The following C1orf167 variants were observed in gnomAD, a reference collection of about 807,000 sequenced individuals.
C1orf167 encodes chromosome 1 open reading frame 167.
C1orf167 carries 153 observed loss-of-function variants against 176.5 expected under a neutral mutation model. The ratio of observed to expected loss-of-function variants is 0.87; its 90% CI spans 0.76 to 0.99. The LOEUF is 0.99. Among genes scored for constraint, C1orf167 ranks in the 50% least tolerant of loss-of-function variants. The pLI is 0.00. For synonymous variants in C1orf167, 594 were observed against 752.7 expected (o/e 0.79, Z 3.45); for missense variants, 1,490 against 1,817.7 (o/e 0.82, Z 3.28).
At position 11,768,866 on chromosome 1, in the gene C1orf167, G is replaced by A. The variant is rs941769943; in HGVS notation, c.1543-107G>A. On this transcript the variant is annotated intron_variant, in intron 5 of 20. Coordinates refer to ENST00000688073, the MANE Select transcript of C1orf167 (RefSeq NM_001010881.2). The surrounding 1 kb of genome is among the most constrained non-coding windows in gnomAD (Gnocchi z 4.5). ...AGAGTAATGGTTAAGACCACAGGCT[G>A]TGGAATCTGATAGGCATGTGTTACT... 141 of 778,142 alleles carry A rather than the reference G, an allele frequency of 1.8e-4. No individual in the cohort carries two copies. The highest frequency in any genetic ancestry group is 2.1e-4 in the Non-Finnish European group (137 of 640,682). The allele number at this position is 778,142 out of a possible 1,614,324, so 48.2% of individuals were successfully genotyped here.
At chr1:11,789,058 A>T in intron 20 of C1orf167, 1 of 439,212 alleles carries the variant, frequency 2.3e-6, no homozygotes, top group Non-Finnish European at 4.1e-6. Flanking sequence ...CCCCTCCCTC[A>T]TTTGCTCTGC....
chr1:11,778,511 C>T (rs1261846220), intron 10 of C1orf167, 149 bp from the exon 11 acceptor site: 4 of 608,782 alleles, frequency 6.6e-6, no homozygotes, highest in East Asian at 1.5e-4. Context: ...GGGGCAGCAG[C>T]GTGGAACGCT....
Position 11,787,490 on chromosome 1 carries a change from CAG to C in C1orf167, c.3673_3673+1del. On this transcript the variant is annotated frameshift_variant and splice_region_variant, in exon 17 of 21. Coordinates refer to ENST00000688073, the MANE Select transcript of C1orf167 (RefSeq NM_001010881.2). LOFTEE classifies it high-confidence loss of function. ...RRKPRGTAWAQRCREHSLCPA... is the reference protein window; with the variant it reads ...RRKPRGTAWAXRCREHSLCPA... Reference sequence around the variant, plus strand: ...GAAGCCAAGGGGAACGGCCTGGGCTCAGAGTAAGGAGACCTTGCCCCGGGGGA... The same window carrying C: ...GAAGCCAAGGGGAACGGCCTGGGCTCAGTAAGGAGACCTTGCCCCGGGGGA... 7.7e-7 allele frequency: 1 copy of C among 1,300,954 alleles called. No individual in the cohort carries two copies. The highest frequency in any genetic ancestry group is 1.0e-6 in the Non-Finnish European group (1 of 987,742). 80.6% of individuals were successfully genotyped at this position (1,300,954 alleles called of 1,614,324 possible).
chr1:11,772,243 A>G lies in C1orf167; in HGVS notation c.1972A>G (p.Arg658Gly). The G allele has an allele frequency of 7.7e-7, 1 of 1,303,512 alleles. No individual in the cohort carries two copies. The allele number at this position is 1,303,512 out of a possible 1,614,324, so 80.7% of individuals were successfully genotyped here. A position where few individuals can be genotyped will look rare whatever the true frequency, so the allele number is the denominator to read the frequency against. ...WVAPLSPQHQ[R>G]AWLCRCFGAW... ...GGCCCCACTGAGCCCCCAGCACCAG[A>G]GAGCTTGGCTGTGCAGGTAGGATGC... The change falls in exon 8 of 21, where the codon AGA (arginine) becomes GGA (glycine). Residue 658 changes from arginine (R) to glycine (G), a missense_variant. By Grantham distance (125) the Arg-to-Gly change is moderately radical. Coordinates refer to ENST00000688073, the MANE Select transcript of C1orf167 (RefSeq NM_001010881.2).
intron 14 of C1orf167, 43 bp downstream of exon 14, chr1:11,782,376 C>A: frequency 8.5e-7 from 1 of 1,174,118 alleles, no homozygotes; most frequent in Non-Finnish European, 1.1e-6. Context: ...CCTCCCCACG[C>A]AAGGAATAGC....
chr1:11,786,769 TGAAAG>T (rs1182767443), intron 16 of C1orf167: 1 of 152,148 alleles, frequency 6.6e-6, no homozygotes, highest in Non-Finnish European at 1.5e-5. Context: ...TAAATGGAAT[TGAAAG>T]GAACTAGCCT....
rs1410311443 is a variant in C1orf167, at chr1:11,787,481, G to T, written c.3661G>T (p.Ala1221Ser). 9 of 1,302,528 alleles carry T rather than the reference G, an allele frequency of 6.9e-6. No individual in the cohort carries two copies. The highest frequency in any genetic ancestry group is 9.1e-6 in the Non-Finnish European group (9 of 988,434). The allele number at this position is 1,302,528 out of a possible 1,614,324, so 80.7% of individuals were successfully genotyped here. A position where few individuals can be genotyped will look rare whatever the true frequency, so the allele number is the denominator to read the frequency against. ...LGGRRKPRGT[A>S]WAQRCREHSL... is the part of the protein sequence containing the mutation. ...TGGACGGAGGAAGCCAAGGGGAACG[G>T]CCTGGGCTCAGAGTAAGGAGACCTT... The change falls in exon 17 of 21, where the codon GCC (alanine) becomes TCC (serine). Residue 1221 changes from alanine (A) to serine (S), a missense_variant. Ala to Ser is a moderately conservative substitution (Grantham distance 99). Transcript: ENST00000688073.
rs1449422503 is a variant in C1orf167, at chr1:11,766,689, C to A, written c.903C>A (p.Gly301=). ...ATGGGAGGAGGAGACGCCTTCGAGG[C>A]CACAGGGAAACTGCGGCTTTCTTGG... ...SSDGRRRRLR[G]HRETAAFLET... The change falls in exon 3 of 21, where the codon GGC becomes GGA. Residue 301 remains glycine (G), a synonymous_variant. Coordinates refer to ENST00000688073, the MANE Select transcript of C1orf167 (RefSeq NM_001010881.2). The surrounding 1 kb of genome is among the most constrained non-coding windows in gnomAD (Gnocchi z 4.5). 2.3e-6 allele frequency: 3 copies of A among 1,289,696 alleles called. No homozygotes were observed. Among genetic ancestry groups the A allele is most frequent in the East Asian group, 1.1e-4 (2 of 18,042 alleles). 79.9% of individuals were successfully genotyped at this position (1,289,696 alleles called of 1,614,324 possible).
intron 9 of C1orf167, among the ~76,000 whole-genome samples, chr1:11,776,213 T>C (rs1194313095): frequency 6.6e-6 from 1 of 152,110 alleles, no homozygotes; most frequent in African/African-American, 2.4e-5. Flanking sequence ...GCTGAGATCG[T>C]GCCATTGCAT....
In C1orf167 at chr1:11,788,393, C is replaced by T. The variant is rs544692675; in HGVS notation, c.4078+15C>T. 2.1e-5 allele frequency: 27 copies of T among 1,283,648 alleles called. No individual in the cohort carries two copies. The highest frequency in any genetic ancestry group is 5.3e-4 in the Middle Eastern group (2 of 3,796). The allele number at this position is 1,283,648 out of a possible 1,614,324, so 79.5% of individuals were successfully genotyped here. A position where few individuals can be genotyped will look rare whatever the true frequency, so the allele number is the denominator to read the frequency against. ...TGCGGACCCTGGTGAGTGGGTGCAC[C>T]CCTCTCCACACTGACCATCTCCCAT... is the stretch of plus-strand genomic sequence containing the variant. On this transcript the variant is annotated intron_variant, in intron 19 of 20. Transcript: ENST00000688073.
intron 10 of C1orf167, chr1:11,778,397 T>G (rs1643425933): frequency 4.6e-6 from 1 of 219,300 alleles, no homozygotes; most frequent in Non-Finnish European, 9.4e-6. Flanking sequence ...GCCCAGACTG[T>G]ACCCTGACCA....
intron 14 of C1orf167, among the ~76,000 whole-genome samples, chr1:11,782,977 A>G (rs999522240): frequency 6.6e-6 from 1 of 151,552 alleles, no homozygotes; most frequent in Non-Finnish European, 1.5e-5. Flanking sequence ...CATAACGCCC[A>G]TTGTGAGGAG....
In C1orf167 at chr1:11,789,548, G is replaced by C. The variant is rs950990131; in HGVS notation, c.*102G>C. 1.0e-5 allele frequency: 11 copies of C among 1,082,700 alleles called. No individual in the cohort carries two copies. The African/African-American group carries it at 1.8e-4, about 18-fold the overall frequency. 67.1% of individuals were successfully genotyped at this position (1,082,700 alleles called of 1,614,324 possible). On this transcript the variant is annotated 3_prime_UTR_variant, in exon 21 of 21. Coordinates refer to ENST00000688073, the MANE Select transcript of C1orf167 (RefSeq NM_001010881.2). Reference sequence around the variant, plus strand: ...GTGATGACAGAGGGGACAGCTTGAAGAGCTCTGAAGGACAATAAAACCCAC... The same window carrying C: ...GTGATGACAGAGGGGACAGCTTGAACAGCTCTGAAGGACAATAAAACCCAC...
Position 11,766,183 on chromosome 1 carries a change from C to T in C1orf167, c.397C>T (p.Pro133Ser), listed in dbSNP as rs1032938713. The T allele has an allele frequency of 5.2e-5, 67 of 1,289,690 alleles. No homozygotes were observed. Among genetic ancestry groups the T allele is most frequent in the Non-Finnish European group, 6.7e-5 (66 of 988,844 alleles). 79.9% of individuals were successfully genotyped at this position (1,289,690 alleles called of 1,614,324 possible). ...SNLSINETSSPHLCPEPGGSS... is the reference protein window; with the variant it reads ...SNLSINETSSSHLCPEPGGSS... Reference sequence around the variant, plus strand: ...CCTGAGCATCAACGAGACCAGCAGCCCCCACCTCTGCCCAGAGCCTGGGGG... The same window carrying T: ...CCTGAGCATCAACGAGACCAGCAGCTCCCACCTCTGCCCAGAGCCTGGGGG... Residue 133 changes from proline (P) to serine (S), a missense_variant, in exon 3 of 21, where the codon CCC becomes TCC. Pro to Ser is a moderately conservative substitution (Grantham distance 74). Transcript: ENST00000688073. The surrounding 1 kb of genome is among the most constrained non-coding windows in gnomAD (Gnocchi z 4.5).
In C1orf167 at chr1:11,768,181, G is replaced by C. The variant is rs4845880; in HGVS notation, c.1448G>C (p.Arg483Pro). 7.8e-7 allele frequency: 1 copy of C among 1,289,622 alleles called. No homozygotes were observed. The highest frequency in any genetic ancestry group is 1.0e-6 in the Non-Finnish European group (1 of 988,824). The allele number at this position is 1,289,622 out of a possible 1,614,324, so 79.9% of individuals were successfully genotyped here. A position where few individuals can be genotyped will look rare whatever the true frequency, so the allele number is the denominator to read the frequency against. ...GCACTGGGCCGCTGGCAGCTGTTGC[G>C]AAAGTGCCTTCAGGCCTTGTGGCTC... Reference protein sequence around the residue: ...AVALGRWQLLRKCLQALWLRE... With the variant: ...AVALGRWQLLPKCLQALWLRE... The change falls in exon 5 of 21, where the codon CGA (arginine) becomes CCA (proline). Residue 483 changes from arginine to proline, a missense_variant. Physicochemically the swap from Arg to Pro is moderately radical, Grantham distance 103. Transcript: ENST00000688073. This position sits in a 1 kb window ranked among gnomAD's most constrained non-coding sequence, Gnocchi z 4.5.
In C1orf167 at chr1:11,788,724, C is replaced by A; in HGVS notation, c.4151C>A (p.Ala1384Glu). ...AADPATASGS[A>E]VTAAGRWAFK... Reference sequence around the variant, plus strand: ...GATCCTGCGACTGCGAGTGGCTCAGCAGTTACAGCAGCAGGAAGATGGGTG... The same window carrying A: ...GATCCTGCGACTGCGAGTGGCTCAGAAGTTACAGCAGCAGGAAGATGGGTG... Residue 1384 changes from alanine to glutamate, a missense_variant, in exon 20 of 21, where the codon GCA becomes GAA. By Grantham distance (107) the Ala-to-Glu change is moderately radical (BLOSUM62 -1). Coordinates refer to ENST00000688073, the MANE Select transcript of C1orf167 (RefSeq NM_001010881.2). 1 of 1,304,248 alleles carries A rather than the reference C, an allele frequency of 7.7e-7. No individual in the cohort carries two copies. The highest frequency in any genetic ancestry group is 1.2e-5 in the South Asian group (1 of 81,034). 80.8% of individuals were successfully genotyped at this position (1,304,248 alleles called of 1,614,324 possible).
intron 2 of C1orf167, among the ~76,000 whole-genome samples, chr1:11,765,185 G>A (rs1032383984): frequency 6.6e-6 from 1 of 152,048 alleles, no homozygotes; most frequent in Admixed American, 6.5e-5. Flanking sequence ...TGACCATGAG[G>A]CAAGTTGCTT....
chr1:11,769,073 T>A lies in C1orf167; in HGVS notation c.1643T>A (p.Leu548Ter), dbSNP rs1642931301. 1.0e-6 allele frequency: 1 copy of A among 985,748 alleles called. No homozygotes were observed. The highest frequency in any genetic ancestry group is 4.7e-5 in the South Asian group (1 of 21,290). 61.1% of individuals were successfully genotyped at this position (985,748 alleles called of 1,614,324 possible). The change falls in exon 6 of 21, where the codon TTG (leucine) becomes TAG (stop). Residue 548 changes from leucine to a stop codon, truncating the protein, a stop_gained. Coordinates refer to ENST00000688073, the MANE Select transcript of C1orf167 (RefSeq NM_001010881.2). LOFTEE classifies it high-confidence loss of function. Reference protein sequence around the residue: ...SRRAQGKGLSLGRSTVVDPAQ... With the variant: ...SRRAQGKGLS ...AGAGCCCAGGGCAAAGGCCTCTCCT[T>A]GGGAAGAAGCACAGTGGTGGACCCC...
In C1orf167 at chr1:11,785,592, G is replaced by A. The variant is rs559445854; in HGVS notation, c.3567+303G>A. Reference sequence around the variant, plus strand: ...AGCAAAGATGAACCTGGCACCTCTCGAGTGCCAGGCCACTGCAGGTCCGGC... The same window carrying A: ...AGCAAAGATGAACCTGGCACCTCTCAAGTGCCAGGCCACTGCAGGTCCGGC... On this transcript the variant is annotated intron_variant, in intron 16 of 20. Transcript: ENST00000688073. The A allele has an allele frequency of 7.7e-5, 15 of 194,942 alleles. No individual in the cohort carries two copies. The South Asian group carries it at 9.5e-4, about 12-fold the overall frequency. 12.1% of individuals were successfully genotyped at this position (194,942 alleles called of 1,614,324 possible). A position where few individuals can be genotyped will look rare whatever the true frequency, so the allele number is the denominator to read the frequency against.
Sources: gnomAD v4.1 joint callset for allele counts (sites outside exome capture counted in the v4.1 genomes callset) on GRCh38, gnomAD v4.1.1 for gene constraint, Gnocchi (gnomAD v3.1) non-coding constraint, MANE v1.5 for transcripts, NCBI Gene and HGNC (gene_info 2026-07-23, HGNC 2026-07-21) for gene names.